The following GRK3 variants were observed in gnomAD, a reference collection of about 807,000 sequenced individuals.
GRK3 encodes G protein-coupled receptor kinase 3, also known as adrenergic, beta, receptor kinase 2.
A neutral mutation model predicts 95.7 loss-of-function variants in GRK3; 54 were observed. The observed-to-expected ratio is 0.56, with a 90% CI of 0.45 to 0.71. The LOEUF (loss-of-function observed/expected upper bound fraction) is 0.71. GRK3 is among the 30% of genes least tolerant of loss of function. The pLI, the probability that GRK3 is intolerant of heterozygous loss-of-function variation, is 0.00. For missense variants in GRK3, 649 were observed against 851.2 expected (o/e 0.76, Z 2.96); for synonymous variants, 281 against 290.8 (o/e 0.97, Z 0.34).
At chr22:25,596,315 C>T (rs1320191459) in intron 1 of GRK3, among the ~76,000 whole-genome samples, 1 of 152,090 alleles carries the variant, frequency 6.6e-6, no homozygotes, top group Non-Finnish European at 1.5e-5. Context: ...AAAAAGATTG[C>T]TGTTCTTCAA....
intron 1 of GRK3, among the ~76,000 whole-genome samples, chr22:25,585,987 T>C (rs2146323093): frequency 6.6e-6 from 1 of 152,410 alleles, no homozygotes; most frequent in East Asian, 1.9e-4. Flanking sequence ...GGTACAGATT[T>C]AGTATAAATG....
At chr22:25,599,187 A>G (rs1393660379) in intron 1 of GRK3, among the ~76,000 whole-genome samples, 1 of 152,230 alleles carries the variant, frequency 6.6e-6, no homozygotes, top group East Asian at 1.9e-4. Context: ...CTATGACACC[A>G]TTAAAGAAAA....
At chr22:25,699,398 A>G (rs781193850) in intron 13 of GRK3, among the ~76,000 whole-genome samples, 2 of 152,104 alleles carry the variant, frequency 1.3e-5, no homozygotes, top group Non-Finnish European at 2.9e-5. Flanking sequence ...GCCTGTCCTC[A>G]ACCCTGGGGG....
At chr22:25,708,168 A>T (rs1448575032) in intron 15 of GRK3, among the ~76,000 whole-genome samples, 2 of 151,958 alleles carry the variant, frequency 1.3e-5, no homozygotes, top group South Asian at 4.2e-4. Context: ...AATCGCTTGA[A>T]CCCAGGAGGC....
chr22:25,612,848 G>T (rs1262989037), intron 2 of GRK3, among the ~76,000 whole-genome samples: 1 of 140,602 alleles, frequency 7.1e-6, no homozygotes, highest in Non-Finnish European at 1.6e-5. Flanking sequence ...ACCTCTAAAA[G>T]TTAAAAAAAA....
intron 17 of GRK3, among the ~76,000 whole-genome samples, chr22:25,713,157 G>A (rs183458720): frequency 3.6e-4 from 55 of 152,302 alleles, no homozygotes; most frequent in Middle Eastern, 3.4e-3. Context: ...CCTGGGCAAG[G>A]AGCATGCTTT....
At position 25,633,136 on chromosome 22, in the gene GRK3, C is replaced by T. The variant is rs912417666; in HGVS notation, c.191-11456C>T. Among the ~76,000 whole-genome samples the T allele has an allele frequency of 1.9e-4, 29 of 151,916 alleles. No homozygotes were observed. The East Asian group carries it at 2.1e-3, about 11-fold the overall frequency. On this transcript the variant is annotated intron_variant, in intron 2 of 20. Coordinates refer to ENST00000324198, the MANE Select transcript of GRK3 (RefSeq NM_005160.4). ...GTCACCATGTTGGCTAGACTGGCTT[C>T]GAACTCCTGACCTCAAGTGATCCAC...
rs768681724 is a variant in GRK3 at position 25,687,529 on chromosome 22, G to C, written c.827-8G>C. 1 of 1,612,674 alleles carries C rather than the reference G, an allele frequency of 6.2e-7. No homozygotes were observed. Among genetic ancestry groups the C allele is most frequent in the Admixed American group, 1.7e-5 (1 of 59,770 alleles). On this transcript the variant is annotated splice_polypyrimidine_tract_variant and splice_region_variant and intron_variant, in intron 10 of 20. Transcript: ENST00000324198. ...ATGCTTTGAATTAAATTCTGAATCT[G>C]ATTCCAGGGGGCGATTTGCACTACC...
At position 25,722,719 on chromosome 22, in the gene GRK3, C is replaced by T. The variant is rs1028999022; in HGVS notation, c.*269C>T. Reference sequence around the variant, plus strand: ...AACTTGAAGTGACTCCTACTTATCACGTAAATTTTTATGTCTGATATCAAA... The same window carrying T: ...AACTTGAAGTGACTCCTACTTATCATGTAAATTTTTATGTCTGATATCAAA... On this transcript the variant is annotated 3_prime_UTR_variant, in exon 21 of 21. Transcript: ENST00000324198. 1.6e-5 allele frequency: 5 copies of T among 320,858 alleles called. No homozygotes were observed. Among genetic ancestry groups the T allele is most frequent in the South Asian group, 7.4e-5 (1 of 13,442 alleles). 19.9% of individuals were successfully genotyped at this position (320,858 alleles called of 1,614,324 possible).
At chr22:25,643,922 A>G (rs1176041690) in intron 2 of GRK3, among the ~76,000 whole-genome samples, 2 of 152,176 alleles carry the variant, frequency 1.3e-5, no homozygotes, top group Admixed American at 6.5e-5. Context: ...AATTCTGGTT[A>G]TTTCAGGAGT....
At chr22:25,613,543 G>A (rs1304299725) in intron 2 of GRK3, among the ~76,000 whole-genome samples, 1 of 148,806 alleles carries the variant, frequency 6.7e-6, no homozygotes, top group East Asian at 2.0e-4. Context: ...TGCAGTGGCC[G>A]GGTTCAGGCA....
At chr22:25,614,868 G>A (rs1198277927) in intron 2 of GRK3, among the ~76,000 whole-genome samples, 1 of 152,082 alleles carries the variant, frequency 6.6e-6, no homozygotes, top group African/African-American at 2.4e-5. Context: ...TCCTTCACTG[G>A]GAATGTCTCT....
intron 8 of GRK3, among the ~76,000 whole-genome samples, chr22:25,678,461 A>C (rs1298191002): frequency 3.3e-5 from 5 of 151,434 alleles, no homozygotes; most frequent in African/African-American, 9.7e-5. Flanking sequence ...CTCAAAAAAA[A>C]ACAAAAAACA....
intron 1 of GRK3, among the ~76,000 whole-genome samples, chr22:25,588,231 C>T (rs1473457218): frequency 3.3e-5 from 5 of 152,150 alleles, no homozygotes; most frequent in Non-Finnish European, 5.9e-5. Flanking sequence ...TATCTGATGA[C>T]TGTGGGCCAG....
intron 1 of GRK3, among the ~76,000 whole-genome samples, chr22:25,585,992 T>A (rs1462118561): frequency 1.3e-5 from 2 of 152,300 alleles, no homozygotes; most frequent in African/African-American, 4.8e-5. Flanking sequence ...AGATTTAGTA[T>A]AAATGAATTA....
intron 1 of GRK3, among the ~76,000 whole-genome samples, chr22:25,580,906 G>A (rs1411848152): frequency 2.0e-5 from 3 of 152,154 alleles, no homozygotes; most frequent in South Asian, 4.1e-4. Context: ...AGGCGGATCA[G>A]TTGAACCAGG....
At position 25,703,510 on chromosome 22, in the gene GRK3, T is replaced by C. The variant is rs2085274232; in HGVS notation, c.1161T>C (p.Gly387=). 2 of 1,611,182 alleles carry C rather than the reference T, an allele frequency of 1.2e-6. No individual in the cohort carries two copies. Among genetic ancestry groups the C allele is most frequent in the African/African-American group, 2.7e-5 (2 of 74,878 alleles). The change falls in exon 14 of 21, where the codon GGT becomes GGC. Residue 387 remains glycine, a splice_region_variant and synonymous_variant. Transcript: ENST00000324198. ...LGCMLFKLLR[G]HSPFRQHKTK... ...ATAGAACAATTCTTTATTTCTACAG[T>C]CACAGCCCTTTCAGACAACATAAAA...
intron 1 of GRK3, among the ~76,000 whole-genome samples, chr22:25,570,538 A>G (rs1931657659): frequency 1.3e-5 from 2 of 152,244 alleles, no homozygotes; most frequent in Non-Finnish European, 2.9e-5. Flanking sequence ...GTACAGTCAC[A>G]TATCTGCGGA....
chr22:25,631,451 A>G (rs1379603665), intron 2 of GRK3, among the ~76,000 whole-genome samples: 2 of 152,224 alleles, frequency 1.3e-5, no homozygotes, highest in African/African-American at 4.8e-5. Context: ...TTAGATTCCA[A>G]TTTGTGGCCT....
Sources: gnomAD v4.1 joint callset for allele counts (sites outside exome capture counted in the v4.1 genomes callset) on GRCh38, gnomAD v4.1.1 for gene constraint, MANE v1.5 for transcripts, NCBI Gene and HGNC (gene_info 2026-07-23, HGNC 2026-07-21) for gene names.